The following ATP10B variants were observed in gnomAD, a reference collection of about 807,000 sequenced individuals.
ATP10B encodes ATPase phospholipid transporting 10B (putative).
In ATP10B, 122 loss-of-function variants were observed where a neutral mutation model predicts 141.2. That is an observed-to-expected ratio of 0.86 (90% confidence interval 0.75 to 1.00). The LOEUF (loss-of-function observed/expected upper bound fraction) is 1.00, where lower values mean the gene tolerates loss of function less well. Ranked by LOEUF, ATP10B falls within the 50% of genes least tolerant of loss-of-function variation. The pLI, the probability that ATP10B is intolerant of heterozygous loss-of-function variation, is 0.00. For missense variants in ATP10B, 1,876 were observed against 1,825.3 expected, an observed-to-expected ratio of 1.03 and a Z score of -0.51; for synonymous variants, 685 against 692.0, an observed-to-expected ratio of 0.99 and a Z score of 0.16.
rs146463278 is a variant in ATP10B at position 160,705,284 on chromosome 5, C to T, written c.-205+11625G>A. Among the ~76,000 whole-genome samples, 525 of 152,074 alleles carry T rather than the reference C, an allele frequency of 3.5e-3. 6 individuals are homozygous for T. The highest frequency in any genetic ancestry group is 0.012 in the African/African-American group (499 of 41,462). On this transcript the variant is annotated intron_variant, in intron 3 of 25. Coordinates refer to ENST00000327245, the MANE Select transcript of ATP10B (RefSeq NM_025153.3). ...AGGCATGTCCAGGAGTACACTGGTA[C>T]CATCTCAGCTTATGGTGGCCTCAAC... is the stretch of plus-strand genomic sequence containing the variant.
At chr5:160,779,299 C>T (rs1322387055) in intron 2 of ATP10B, among the ~76,000 whole-genome samples, 1 of 152,178 alleles carries the variant, frequency 6.6e-6, no homozygotes, top group Non-Finnish European at 1.5e-5. Context: ...CTAAGATTTA[C>T]ACCCTTGTAT....
At chr5:160,720,483 T>C (rs1765924190) in intron 2 of ATP10B, among the ~76,000 whole-genome samples, 1 of 152,236 alleles carries the variant, frequency 6.6e-6, no homozygotes, top group Non-Finnish European at 1.5e-5. Context: ...CTGGACTGAA[T>C]TAAAATTAAA....
the ATP10B span, among the ~76,000 whole-genome samples, chr5:160,867,291 C>T: frequency 6.6e-6 from 1 of 151,920 alleles, no homozygotes; most frequent in African/African-American, 2.4e-5. Context: ...TATCTGGGCC[C>T]ACTGAAAGTA....
At chr5:160,927,439 G>T in the ATP10B span, among the ~76,000 whole-genome samples, 1 of 152,116 alleles carries the variant, frequency 6.6e-6, no homozygotes, top group Admixed American at 6.5e-5. Context: ...CTGTTTCTTA[G>T]GAGACTAAAT....
intron 22 of ATP10B, among the ~76,000 whole-genome samples, chr5:160,594,166 C>T (rs1194411778): frequency 6.6e-6 from 1 of 152,166 alleles, no homozygotes; most frequent in Non-Finnish European, 1.5e-5. Context: ...CAAAGGGAAG[C>T]CCATCAGACT....
chr5:160,719,552 G>C (rs551458468), intron 2 of ATP10B, among the ~76,000 whole-genome samples: 60 of 152,320 alleles, frequency 3.9e-4, no homozygotes, highest in Middle Eastern at 3.4e-3. Context: ...GAGTTGAATG[G>C]AAATGAGTTA....
rs531198402 is a variant in ATP10B at position 160,767,635 on chromosome 5, A to ACCC, written c.-331+17921_-331+17923dup. On this transcript the variant is annotated intron_variant, in intron 2 of 25. Transcript: ENST00000327245. ...ATGGTGTGAGGGTCATGTGTGCAGAACCCCCCCCCCCAAAATAACAGGTTA... is the reference window on the plus strand; with the variant it reads ...ATGGTGTGAGGGTCATGTGTGCAGAACCCCCCCCCCCCCCAAAATAACAGGTTA... Among the ~76,000 whole-genome samples, 557 of 86,618 alleles carry ACCC rather than the reference A, an allele frequency of 6.4e-3. 17 individuals carry two copies. The highest frequency in any genetic ancestry group is 0.02 in the African/African-American group (533 of 26,668). 56.8% of individuals were successfully genotyped at this position (86,618 alleles called of 152,430 possible).
chr5:160,636,705 TATCCC>T (rs1759405098), intron 10 of ATP10B, among the ~76,000 whole-genome samples: 1 of 152,074 alleles, frequency 6.6e-6, no homozygotes, highest in Admixed American at 6.5e-5. Context: ...TTCCCCTTCT[TATCCC>T]ATCTAATGCC....
chr5:160,808,814 A>G (rs1772955643), intron 1 of ATP10B, among the ~76,000 whole-genome samples: 1 of 152,164 alleles, frequency 6.6e-6, no homozygotes, highest in Non-Finnish European at 1.5e-5. Context: ...AGTGCCCCAA[A>G]ACAAGTGACT....
At chr5:160,839,995 C>T (rs1342340897) in intron 1 of ATP10B, among the ~76,000 whole-genome samples, 2 of 151,838 alleles carry the variant, frequency 1.3e-5, no homozygotes, top group Admixed American at 6.6e-5. Flanking sequence ...ATTTTATTTA[C>T]AATACCAACA....
rs1763367068 is a variant in ATP10B at position 160,681,042 on chromosome 5, G to A, written c.470+5037C>T. ...GAATGAAAAGGATTGGTGAGAGCTG[G>A]ATCTAGGACGCTGATTGAACCATGC... On this transcript the variant is annotated intron_variant, in intron 6 of 25. Coordinates refer to ENST00000327245, the MANE Select transcript of ATP10B (RefSeq NM_025153.3). 1.3e-5 allele frequency among the ~76,000 whole-genome samples: 2 copies of A among 152,192 alleles called. 1 individual carries two copies. The highest frequency in any genetic ancestry group is 4.8e-5 in the African/African-American group (2 of 41,448).
At chr5:160,709,920 T>G (rs1226781063) in intron 3 of ATP10B, among the ~76,000 whole-genome samples, 6 of 108,624 alleles carry the variant, frequency 5.5e-5, no homozygotes, top group Admixed American at 5.1e-4. Context: ...TTCATCCATG[T>G]CCCTACAAAG....
intron 23 of ATP10B, 148 bp from the exon 24 acceptor site, chr5:160,589,844 C>T (rs574705242): frequency 3.2e-6 from 2 of 623,170 alleles, no homozygotes; most frequent in Non-Finnish European, 2.9e-6. Context: ...ATCCGAGGAA[C>T]AGGTCAAGGT....
intron 9 of ATP10B, among the ~76,000 whole-genome samples, chr5:160,643,193 T>C (rs1760004404): frequency 6.6e-6 from 1 of 152,238 alleles, no homozygotes; most frequent in African/African-American, 2.4e-5. Context: ...CTGTTTTTCT[T>C]TGACAATCCC....
At chr5:160,918,937 G>A in the ATP10B span, among the ~76,000 whole-genome samples, 1 of 152,122 alleles carries the variant, frequency 6.6e-6, no homozygotes, top group African/African-American at 2.4e-5. Flanking sequence ...GTACAAAGCA[G>A]GGAGTGGGCC....
the ATP10B span, among the ~76,000 whole-genome samples, chr5:160,893,483 G>C: frequency 1.3e-5 from 2 of 152,160 alleles, no homozygotes; most frequent in Non-Finnish European, 2.9e-5. Flanking sequence ...ACTGTAGCCA[G>C]ACTTTCTCTC....
chr5:160,786,081 G>C (rs1428915149), intron 1 of ATP10B, among the ~76,000 whole-genome samples: 1 of 152,184 alleles, frequency 6.6e-6, no homozygotes, highest in Non-Finnish European at 1.5e-5. Context: ...TGAAATGTGT[G>C]CTGGTCCAGC....
intron 1 of ATP10B, among the ~76,000 whole-genome samples, chr5:160,834,323 C>T (rs1775286858): frequency 6.6e-6 from 1 of 151,660 alleles, no homozygotes; most frequent in African/African-American, 2.4e-5. Context: ...AGACCCTGTC[C>T]CCAAAATAAA....
At chr5:160,675,644 C>T (rs997643274) in intron 6 of ATP10B, among the ~76,000 whole-genome samples, 7 of 152,094 alleles carry the variant, frequency 4.6e-5, no homozygotes, top group East Asian at 1.9e-4. Flanking sequence ...TCAGGAAGCT[C>T]GAATGCCAGG....
Sources: allele counts gnomAD v4.1 joint callset (sites outside exome capture counted in the v4.1 genomes callset), GRCh38; gene constraint gnomAD v4.1.1; transcripts MANE v1.5; gene names NCBI Gene and HGNC (gene_info 2026-07-23, HGNC 2026-07-21).